MUC13: variants seen among roughly 807,000 people sequenced by gnomAD.
MUC13 encodes the protein mucin-13.
A neutral mutation model predicts 48.3 loss-of-function variants in MUC13; 32 were observed. The ratio of observed to expected loss-of-function variants is 0.66; its 90% CI spans 0.50 to 0.89. MUC13 has a LOEUF of 0.89. Ranked by LOEUF, MUC13 falls within the 40% of genes least tolerant of loss-of-function variation. MUC13 has a pLI of 0.00. For synonymous variants in MUC13, 199 were observed against 224.9 expected (o/e 0.88, Z 1.03); for missense variants, 571 against 622.8 (o/e 0.92, Z 0.88).
chr3:124,923,760 C>G (rs1036252941), intron 2 of MUC13, 111 bp from the exon 3 acceptor site: 11 of 1,023,468 alleles, frequency 1.1e-5, no homozygotes, highest in Non-Finnish European at 1.6e-5. Context: ...CCATTCCTTG[C>G]TTGTGTTACT....
intron 1 of MUC13, among the ~76,000 whole-genome samples, chr3:124,928,204 C>T (rs998203497): frequency 6.6e-6 from 1 of 151,274 alleles, no homozygotes; most frequent in African/African-American, 2.4e-5. Context: ...GTATGAAGTG[C>T]CATGCCCAGC....
chr3:124,919,472 G>A (rs1034982649), intron 5 of MUC13, among the ~76,000 whole-genome samples: 4 of 150,856 alleles, frequency 2.7e-5, no homozygotes, highest in Admixed American at 2.0e-4. Flanking sequence ...TTACAGATGT[G>A]AGCCACCATG....
chr3:124,928,156 T>C (rs1322250190), intron 1 of MUC13, among the ~76,000 whole-genome samples, 163 bp from the exon 2 acceptor site: 3 of 150,856 alleles, frequency 2.0e-5, no homozygotes, highest in Non-Finnish European at 4.4e-5. Flanking sequence ...GCTCAAGCAG[T>C]CCACCCTCCT....
intron 9 of MUC13, among the ~76,000 whole-genome samples, chr3:124,911,701 G>A (rs913574916): frequency 2.6e-5 from 4 of 152,166 alleles, no homozygotes; most frequent in African/African-American, 9.7e-5. Flanking sequence ...AAGGATTTGA[G>A]TATTTAAATG....
rs1406012544 is a variant in MUC13 at position 124,927,904 on chromosome 3, T to C, written c.142A>G (p.Thr48Ala). Residue 48 changes from threonine (T) to alanine (A), a missense_variant, in exon 2 of 12, where the codon ACT (threonine) becomes GCT (alanine). Coordinates refer to ENST00000616727, the MANE Select transcript of MUC13 (RefSeq NM_033049.4). The part of the protein sequence containing the change: ...PTVAAADTTE[T>A]NFPETASTTA... ...GTGCTAGCAGTTTCAGGGAAATTAGTTTCAGTGGTATCAGCTGCAGCTACT... is the reference window on the plus strand; with the variant it reads ...GTGCTAGCAGTTTCAGGGAAATTAGCTTCAGTGGTATCAGCTGCAGCTACT... 2 of 1,612,810 alleles carry C rather than the reference T, an allele frequency of 1.2e-6. No individual in the cohort carries two copies. The highest frequency in any genetic ancestry group is 1.7e-6 in the Non-Finnish European group (2 of 1,179,490).
Position 124,923,607 on chromosome 3 carries a change from G to A in MUC13, c.557C>T (p.Ser186Leu), listed in dbSNP as rs373312041. The A allele has an allele frequency of 1.1e-5, 18 of 1,613,858 alleles. No individual in the cohort carries two copies. The highest frequency in any genetic ancestry group is 8.9e-5 in the East Asian group (4 of 44,882). ...PCQDDPCADN[S>L]LCVKLHNTSF... is the part of the protein sequence containing the mutation. Reference sequence around the variant, plus strand: ...TGTATTATGCAGCTTAACACATAACGAATTATCTGCACAGGGATCATCTTG... The same window carrying A: ...TGTATTATGCAGCTTAACACATAACAAATTATCTGCACAGGGATCATCTTG... The change falls in exon 3 of 12, where the codon TCG (serine) becomes TTG (leucine). Residue 186 changes from serine (S) to leucine (L), a missense_variant. Transcript: ENST00000616727.
chr3:124,910,576 C>A, intron 9 of MUC13, 77 bp from the exon 10 acceptor site: 1 of 1,576,408 alleles, frequency 6.3e-7, no homozygotes, highest in East Asian at 2.3e-5. Flanking sequence ...TCGTGTATTC[C>A]CAGGGACTCC....
In MUC13 at chr3:124,906,087, A is replaced by G. The variant is rs1372970514; in HGVS notation, c.*656T>C. 1 of 152,614 alleles carries G rather than the reference A, an allele frequency of 6.6e-6. No homozygotes were observed. Among genetic ancestry groups the G allele is most frequent in the African/African-American group, 2.4e-5 (1 of 41,430 alleles). The allele number at this position is 152,614 out of a possible 1,614,324, so 9.5% of individuals were successfully genotyped here. On this transcript the variant is annotated 3_prime_UTR_variant, in exon 12 of 12. Coordinates refer to ENST00000616727, the MANE Select transcript of MUC13 (RefSeq NM_033049.4). ...TCCAGGCCTTCTAATTAGCATCAAA[A>G]AGTTCCTGGATTCCCAGGCACGCCT...
Position 124,905,752 on chromosome 3 carries a change from C to T in MUC13, c.*991G>A, listed in dbSNP as rs1935305851. Reference sequence around the variant, plus strand: ...GGACTCCTGAGCACAAGCTCCCTCTCGCACCCTTTGCCAGACAGTTTGTCT... The same window carrying T: ...GGACTCCTGAGCACAAGCTCCCTCTTGCACCCTTTGCCAGACAGTTTGTCT... On this transcript the variant is annotated 3_prime_UTR_variant, in exon 12 of 12. Transcript: ENST00000616727. 6.5e-6 allele frequency: 1 copy of T among 152,912 alleles called. No homozygotes were observed. The highest frequency in any genetic ancestry group is 1.9e-4 in the East Asian group (1 of 5,200). The allele number at this position is 152,912 out of a possible 1,614,324, so 9.5% of individuals were successfully genotyped here. A position where few individuals can be genotyped will look rare whatever the true frequency, so the allele number is the denominator to read the frequency against.
chr3:124,908,277 C>A lies in MUC13; in HGVS notation c.1409G>T (p.Arg470Leu), dbSNP rs747149789. 6.2e-7 allele frequency: 1 copy of A among 1,614,022 alleles called. No individual in the cohort carries two copies. Among genetic ancestry groups the A allele is most frequent in the African/African-American group, 1.3e-5 (1 of 74,902 alleles). Residue 470 changes from arginine to leucine, a missense_variant, in exon 11 of 12, where the codon CGG (arginine) becomes CTG (leucine). Transcript: ENST00000616727. Reference sequence around the variant, plus strand: ...TCCAAGATTGGTGAAGCCTGTCGACCGCAGTTTTAGATTTTGAAAGTCTTC... The same window carrying A: ...TCCAAGATTGGTGAAGCCTGTCGACAGCAGTTTTAGATTTTGAAAGTCTTC... The part of the protein sequence containing the change: ...IDEDFQNLKL[R>L]STGFTNLGAE...
At position 124,910,296 on chromosome 3, in the gene MUC13, G is replaced by T. The variant is rs145789009; in HGVS notation, c.1337+119C>A. The T allele has an allele frequency of 2.1e-3, 2,886 of 1,385,852 alleles. 9 individuals are homozygous for T. Among genetic ancestry groups the T allele is most frequent in the Middle Eastern group, 5.7e-3 (30 of 5,236 alleles). The allele number at this position is 1,385,852 out of a possible 1,614,324, so 85.8% of individuals were successfully genotyped here. A position where few individuals can be genotyped will look rare whatever the true frequency, so the allele number is the denominator to read the frequency against. ...TGCCTGTAATCCCAGCACTTTGGGAGGCCAAGGTGGGAGGATGGCTTGAGT... is the reference window on the plus strand; with the variant it reads ...TGCCTGTAATCCCAGCACTTTGGGATGCCAAGGTGGGAGGATGGCTTGAGT... On this transcript the variant is annotated intron_variant, in intron 10 of 11. Coordinates refer to ENST00000616727, the MANE Select transcript of MUC13 (RefSeq NM_033049.4).
intron 3 of MUC13, among the ~76,000 whole-genome samples, chr3:124,923,200 G>C (rs946712368): frequency 4.0e-5 from 6 of 151,560 alleles, no homozygotes; most frequent in African/African-American, 1.2e-4. Flanking sequence ...GTGTATAAAT[G>C]TACTCCTGAA....
intron 11 of MUC13, among the ~76,000 whole-genome samples, chr3:124,907,226 C>T (rs971997191): frequency 5.9e-5 from 9 of 152,114 alleles, no homozygotes; most frequent in Non-Finnish European, 1.0e-4. Context: ...AGGCTGGTCT[C>T]GAACTCTTGG....
At chr3:124,915,469 A>T (rs371754786) in intron 6 of MUC13, among the ~76,000 whole-genome samples, 2 of 152,220 alleles carry the variant, frequency 1.3e-5, no homozygotes, top group South Asian at 4.1e-4. Flanking sequence ...CAAACCATTT[A>T]TACCCAGCAG....
chr3:124,927,570 C>T lies in MUC13; in HGVS notation c.476G>A (p.Gly159Asp). ...GGTGCTGGTCTCCAATAAAGCGGTG[C>T]CAGTGGGAGGCCCTGATGATTGATT... is the stretch of plus-strand genomic sequence containing the variant. ...EDNQSSGPPT[G>D]TALLETSTLN... The change falls in exon 2 of 12, where the codon GGC becomes GAC. Residue 159 changes from glycine (G) to aspartate (D), a missense_variant. Gly to Asp is a moderately conservative substitution (Grantham distance 94, BLOSUM62 -1). Transcript: ENST00000616727. The T allele has an allele frequency of 1.9e-6, 3 of 1,614,130 alleles. No homozygotes were observed. Among genetic ancestry groups the T allele is most frequent in the African/African-American group, 2.7e-5 (2 of 75,016 alleles).
rs746352980 is a variant in MUC13 at position 124,913,611 on chromosome 3, A to G, written c.1035T>C (p.Asp345=). The change falls in exon 7 of 12, where the codon GAT becomes GAC. Residue 345 remains aspartate (D), a synonymous_variant. Coordinates refer to ENST00000616727, the MANE Select transcript of MUC13 (RefSeq NM_033049.4). The part of the protein sequence containing the change: ...ADDCLNGLAC[D]CKSDLQRPNP... ...TAGGCCTTTGCAGGTCAGATTTGCA[A>G]TCGCATGCTAAACCATTGAGGCAGT... 34 of 1,614,218 alleles carry G rather than the reference A, an allele frequency of 2.1e-5. No individual in the cohort carries two copies. The East Asian group carries it at 6.7e-4, about 32-fold the overall frequency.
Position 124,927,891 on chromosome 3 carries a change from T to C in MUC13, c.155A>G (p.Glu52Gly), listed in dbSNP as rs1196657297. 1.2e-6 allele frequency: 2 copies of C among 1,613,704 alleles called. No individual in the cohort carries two copies. Among genetic ancestry groups the C allele is most frequent in the Non-Finnish European group, 1.7e-6 (2 of 1,179,828 alleles). Residue 52 changes from glutamate (E) to glycine (G), a missense_variant, in exon 2 of 12, where the codon GAA becomes GGA. Glu to Gly is a moderately conservative substitution (Grantham distance 98). Coordinates refer to ENST00000616727, the MANE Select transcript of MUC13 (RefSeq NM_033049.4). ...AADTTETNFP[E>G]TASTTANTPS... Reference sequence around the variant, plus strand: ...TGTATTTGCTGTGGTGCTAGCAGTTTCAGGGAAATTAGTTTCAGTGGTATC... The same window carrying C: ...TGTATTTGCTGTGGTGCTAGCAGTTCCAGGGAAATTAGTTTCAGTGGTATC...
intron 6 of MUC13, 104 bp downstream of exon 6, chr3:124,916,213 T>C: frequency 2.4e-6 from 2 of 840,456 alleles, no homozygotes; most frequent in Non-Finnish European, 3.8e-6. Context: ...AGTTGTCAGT[T>C]CAATGATGCA....
intron 6 of MUC13, 74 bp downstream of exon 6, chr3:124,916,243 A>T (rs972391471): frequency 8.8e-7 from 1 of 1,134,072 alleles, no homozygotes; most frequent in Non-Finnish European, 1.3e-6. Flanking sequence ...TCCTTTTCAC[A>T]TATAATGAAA....
Sources: allele counts gnomAD v4.1 joint callset (sites outside exome capture counted in the v4.1 genomes callset), GRCh38; gene constraint gnomAD v4.1.1; transcripts MANE v1.5; gene names NCBI Gene and HGNC (gene_info 2026-07-23, HGNC 2026-07-21).